The following TBC1D22A variants were observed in gnomAD, a reference collection of about 807,000 sequenced individuals.
TBC1D22A encodes TBC1 domain family member 22A.
In TBC1D22A, 38 loss-of-function variants were observed where a neutral mutation model predicts 60.2. That is an observed-to-expected ratio of 0.63 (90% confidence interval 0.49 to 0.83). The LOEUF (loss-of-function observed/expected upper bound fraction) is 0.83, where lower values mean the gene tolerates loss of function less well. Among genes scored for constraint, TBC1D22A ranks in the 40% least tolerant of loss-of-function variants. The pLI is 0.00. For missense variants in TBC1D22A, 628 were observed against 701.0 expected, an observed-to-expected ratio of 0.90 and a Z score of 1.18; for synonymous variants, 302 against 281.7, an observed-to-expected ratio of 1.07 and a Z score of -0.72.
intron 4 of TBC1D22A, among the ~76,000 whole-genome samples, chr22:46,878,348 A>AGGAGGTGGGAG (rs2067674913): frequency 2.7e-4 from 1 of 3,688 alleles, no homozygotes. Flanking sequence ...GTGGGAGGGA[A>AGGAGGTGGGAG]GGAGGCCAGT....
chr22:47,112,815 C>T (rs1315189466), intron 12 of TBC1D22A, among the ~76,000 whole-genome samples: 1 of 152,234 alleles, frequency 6.6e-6, no homozygotes, highest in Non-Finnish European at 1.5e-5. Flanking sequence ...TGCCTTGCCT[C>T]TCCCAGCCAT....
In TBC1D22A at chr22:46,945,383, G is replaced by A. The variant is rs187381922; in HGVS notation, c.1016-28907G>A. 3.2e-3 allele frequency among the ~76,000 whole-genome samples: 484 copies of A among 152,334 alleles called. 2 individuals are homozygous for A. The highest frequency in any genetic ancestry group is 0.011 in the African/African-American group (468 of 41,554). On this transcript the variant is annotated intron_variant, in intron 8 of 12. Transcript: ENST00000337137. ...GGAGGCGGCAGCTGACGTTTATTTA[G>A]CACGTTGTTTCTGAAGCTTTTAAAG...
chr22:46,868,978 T>C (rs972665079), intron 4 of TBC1D22A, among the ~76,000 whole-genome samples: 14 of 152,202 alleles, frequency 9.2e-5, no homozygotes, highest in African/African-American at 3.4e-4. Flanking sequence ...AACACAGCCC[T>C]TTCTGGGGGT....
intron 8 of TBC1D22A, among the ~76,000 whole-genome samples, chr22:46,958,491 T>C (rs1300080203): frequency 6.6e-6 from 1 of 152,188 alleles, no homozygotes; most frequent in African/African-American, 2.4e-5. Flanking sequence ...TGGGTGTCCG[T>C]CTCACCGTTG....
intron 8 of TBC1D22A, among the ~76,000 whole-genome samples, chr22:46,969,737 C>T (rs1353204015): frequency 6.6e-6 from 1 of 152,144 alleles, no homozygotes; most frequent in Admixed American, 6.5e-5. Flanking sequence ...TCAGGACTGA[C>T]ACATTTCTCA....
chr22:47,150,296 G>A (rs1364922063), intron 12 of TBC1D22A, among the ~76,000 whole-genome samples: 1 of 152,150 alleles, frequency 6.6e-6, no homozygotes, highest in South Asian at 2.1e-4. Flanking sequence ...TGGGGAGTGG[G>A]CGGCCCTCCT....
intron 11 of TBC1D22A, among the ~76,000 whole-genome samples, chr22:47,043,899 G>A (rs1308279023): frequency 1.9e-5 from 1 of 51,326 alleles, no homozygotes; most frequent in Non-Finnish European, 3.5e-5. Flanking sequence ...CCATGTGGGA[G>A]GCTCTGTGTG....
chr22:47,056,137 A>G (rs1329037019), intron 11 of TBC1D22A, among the ~76,000 whole-genome samples: 1 of 152,032 alleles, frequency 6.6e-6, no homozygotes, highest in Non-Finnish European at 1.5e-5. Context: ...GGTGGCCCAA[A>G]AAAGTCTCTC....
intron 12 of TBC1D22A, among the ~76,000 whole-genome samples, chr22:47,139,277 G>T (rs1159486616): frequency 6.6e-6 from 1 of 152,248 alleles, no homozygotes; most frequent in Non-Finnish European, 1.5e-5. Flanking sequence ...ACGGAACTGT[G>T]TGTCTGGGGC....
intron 11 of TBC1D22A, among the ~76,000 whole-genome samples, chr22:47,060,387 G>T (rs976355263): frequency 6.6e-6 from 1 of 151,606 alleles, no homozygotes; most frequent in Non-Finnish European, 1.5e-5. Flanking sequence ...GATTACAGGC[G>T]CCCACCACCA....
At chr22:46,853,690 AAATT>A (rs1054350753) in intron 4 of TBC1D22A, among the ~76,000 whole-genome samples, 2 of 152,196 alleles carry the variant, frequency 1.3e-5, no homozygotes, top group African/African-American at 4.8e-5. Flanking sequence ...AGGAACGGAG[AAATT>A]AATTAATTCA....
chr22:47,029,804 C>G (rs548757694), intron 10 of TBC1D22A, among the ~76,000 whole-genome samples: 4 of 152,368 alleles, frequency 2.6e-5, no homozygotes, highest in Non-Finnish European at 5.9e-5. Flanking sequence ...GGCGCGCTGT[C>G]CCATCGGAGG....
intron 9 of TBC1D22A, among the ~76,000 whole-genome samples, chr22:46,997,292 C>A (rs2075151928): frequency 1.3e-5 from 2 of 152,252 alleles, no homozygotes; most frequent in South Asian, 4.1e-4. Flanking sequence ...TCAGTTCCCA[C>A]AGACGGTTCT....
intron 11 of TBC1D22A, among the ~76,000 whole-genome samples, chr22:47,076,355 G>GTGTGTGTGTGTATATATATATATATATA (rs1462693147): frequency 2.8e-5 from 2 of 71,228 alleles, no homozygotes; most frequent in Non-Finnish European, 5.4e-5. Flanking sequence ...ATATATATAT[G>GTGTGTGTGTGTATATATATATATATATA]TGTGTGTATA....
At chr22:46,788,006 G>A (rs1318325946) in intron 1 of TBC1D22A, among the ~76,000 whole-genome samples, 1 of 147,598 alleles carries the variant, frequency 6.8e-6, no homozygotes, top group Non-Finnish European at 1.5e-5. Flanking sequence ...GCGTGATCTC[G>A]GCTCACTGCA....
chr22:46,817,027 C>T (rs2085630870), intron 4 of TBC1D22A, among the ~76,000 whole-genome samples: 1 of 152,186 alleles, frequency 6.6e-6, no homozygotes, highest in Non-Finnish European at 1.5e-5. Context: ...TTGTATTGCA[C>T]AGCTTAGAAA....
At chr22:46,949,242 A>G (rs1422567947) in intron 8 of TBC1D22A, among the ~76,000 whole-genome samples, 1 of 152,226 alleles carries the variant, frequency 6.6e-6, no homozygotes, top group Non-Finnish European at 1.5e-5. Flanking sequence ...TGGAACCACC[A>G]TGAGCATGAC....
chr22:46,872,545 C>T (rs2067340167), intron 4 of TBC1D22A, among the ~76,000 whole-genome samples: 1 of 152,158 alleles, frequency 6.6e-6, no homozygotes. Flanking sequence ...TGTTGGACAA[C>T]AGGCAGTGCA....
At chr22:46,846,814 T>G (rs78729273) in intron 4 of TBC1D22A, among the ~76,000 whole-genome samples, 1,541 of 152,166 alleles carry the variant, frequency 0.01, 25 homozygotes, top group African/African-American at 0.035. Flanking sequence ...CATTCTTTTC[T>G]TTTTCTTTTT....
Sources: allele counts gnomAD v4.1 joint callset (sites outside exome capture counted in the v4.1 genomes callset), GRCh38; gene constraint gnomAD v4.1.1; transcripts MANE v1.5; gene names NCBI Gene and HGNC (gene_info 2026-07-23, HGNC 2026-07-21).